The following WRNIP1 variants were observed in gnomAD, a reference collection of about 807,000 sequenced individuals.
WRNIP1 encodes WRN helicase interacting protein 1.
Under a neutral mutation model 56.1 loss-of-function variants are expected in WRNIP1, and 41 were observed. The observed-to-expected ratio is 0.73, with a 90% CI of 0.57 to 0.95. The LOEUF (loss-of-function observed/expected upper bound fraction) is 0.95. Ranked by LOEUF, WRNIP1 falls within the 40% of genes least tolerant of loss-of-function variation. WRNIP1 has a pLI of 0.00. For missense variants in WRNIP1, 1,170 were observed against 939.4 expected (o/e 1.25, Z -3.21); for synonymous variants, 547 against 398.1 (o/e 1.37, Z -4.45).
chr6:2,785,398 GC>G lies in WRNIP1; in HGVS notation c.*118del. 7.9e-7 allele frequency: 1 copy of G among 1,263,376 alleles called. No individual in the cohort carries two copies. 78.3% of individuals were successfully genotyped at this position (1,263,376 alleles called of 1,614,324 possible). A position where few individuals can be genotyped will look rare whatever the true frequency, so the allele number is the denominator to read the frequency against. Reference sequence around the variant, plus strand: ...AAGTTAGAACAGACCAACATTTTGTGCCAGAAATTTAAGAGTTCCATAGGTG... The same window carrying G: ...AAGTTAGAACAGACCAACATTTTGTGCAGAAATTTAAGAGTTCCATAGGTG... On this transcript the variant is annotated 3_prime_UTR_variant, in exon 7 of 7. Coordinates refer to ENST00000380773, the MANE Select transcript of WRNIP1 (RefSeq NM_020135.3).
At chr6:2,773,117 G>T (rs1765347634) in intron 3 of WRNIP1, 1 of 985,292 alleles carries the variant, frequency 1.0e-6, no homozygotes, top group Non-Finnish European at 1.2e-6. Context: ...TTGAGGAATT[G>T]TGAGTTGTCA....
Position 2,783,486 on chromosome 6 carries a change from G to A in WRNIP1, c.1567G>A (p.Ala523Thr), listed in dbSNP as rs776695542. Residue 523 changes from alanine (A) to threonine (T), a missense_variant, in exon 5 of 7, where the codon GCT becomes ACT. Ala to Thr is a moderately conservative substitution (Grantham distance 58, BLOSUM62 0). Transcript: ENST00000380773. ...SDQNASLYWLARMLEGGEDPL... is the reference protein window; with the variant it reads ...SDQNASLYWLTRMLEGGEDPL... ...CCAGAACGCCTCCCTCTACTGGCTG[G>A]CTCGCATGCTCGAGGGAGGAGAGGA... 6.2e-7 allele frequency: 1 copy of A among 1,613,960 alleles called. No individual in the cohort carries two copies. The highest frequency in any genetic ancestry group is 2.2e-5 in the East Asian group (1 of 44,874).
chr6:2,771,851 T>A (rs995464763), intron 3 of WRNIP1, among the ~76,000 whole-genome samples: 1 of 152,244 alleles, frequency 6.6e-6, no homozygotes, highest in Non-Finnish European at 1.5e-5. Context: ...GGGGAAATCC[T>A]AACATGTTTC....
chr6:2,766,767 C>G (rs950634106), intron 1 of WRNIP1, among the ~76,000 whole-genome samples: 2 of 152,076 alleles, frequency 1.3e-5, no homozygotes, highest in African/African-American at 4.8e-5. Context: ...CGCCCCCTCC[C>G]CAGACTTTGA....
In WRNIP1 at chr6:2,771,118, T is replaced by G. The variant is rs866148000; in HGVS notation, c.1256+757T>G. Among the ~76,000 whole-genome samples, 5 of 152,352 alleles carry G rather than the reference T, an allele frequency of 3.3e-5. No individual in the cohort carries two copies. In the Middle Eastern group the frequency reaches 0.014, roughly 415 times the overall value. On this transcript the variant is annotated intron_variant, in intron 3 of 6. Transcript: ENST00000380773. The stretch of plus-strand genomic sequence containing the variant: ...TGAAATACTGCCATGGAACATAATC[T>G]GGTGTGATGAGAGGCTATTGCCCAC...
At chr6:2,783,779 T>C (rs775601297) in intron 5 of WRNIP1, among the ~76,000 whole-genome samples, 24 of 152,122 alleles carry the variant, frequency 1.6e-4, no homozygotes, top group Non-Finnish European at 3.2e-4. Flanking sequence ...TTTGAATGTT[T>C]ATGTTCATAA....
At chr6:2,781,305 G>T (rs1022475039) in intron 4 of WRNIP1, among the ~76,000 whole-genome samples, 1 of 152,218 alleles carries the variant, frequency 6.6e-6, no homozygotes, top group Non-Finnish European at 1.5e-5. Context: ...TAGTGCCAGC[G>T]CCTTAAGAAC....
chr6:2,777,261 G>C (rs898323024), intron 3 of WRNIP1, among the ~76,000 whole-genome samples: 1 of 152,172 alleles, frequency 6.6e-6, no homozygotes, highest in African/African-American at 2.4e-5. Context: ...AATATTGGAT[G>C]CCTATCATCT....
Position 2,766,118 on chromosome 6 carries a change from G to A in WRNIP1, c.496G>A (p.Glu166Lys). 3 of 1,325,814 alleles carry A rather than the reference G, an allele frequency of 2.3e-6. No individual in the cohort carries two copies. The highest frequency in any genetic ancestry group is 1.5e-5 in the African/African-American group (1 of 65,052). The allele number at this position is 1,325,814 out of a possible 1,614,324, so 82.1% of individuals were successfully genotyped here. A position where few individuals can be genotyped will look rare whatever the true frequency, so the allele number is the denominator to read the frequency against. ...SWDEAEAQEE[E>K]EAVGDGDGDG... ...GGACGAGGCGGAGGCGCAGGAGGAG[G>A]AGGAGGCCGTGGGCGACGGCGATGG... Residue 166 changes from glutamate to lysine, a missense_variant, in exon 1 of 7, where the codon GAG becomes AAG. Glu to Lys is a moderately conservative substitution (Grantham distance 56). Coordinates refer to ENST00000380773, the MANE Select transcript of WRNIP1 (RefSeq NM_020135.3).
At chr6:2,779,977 T>C (rs976462229) in intron 4 of WRNIP1, among the ~76,000 whole-genome samples, 2 of 152,252 alleles carry the variant, frequency 1.3e-5, no homozygotes, top group African/African-American at 4.8e-5. Flanking sequence ...TTATTTTATG[T>C]AGTAGCTTTT....
intron 4 of WRNIP1, 50 bp from the exon 5 acceptor site, chr6:2,783,356 G>T: frequency 6.7e-7 from 1 of 1,485,230 alleles, no homozygotes; most frequent in South Asian, 1.3e-5. Flanking sequence ...AAGATGGCTT[G>T]GGCGCCCCTC....
chr6:2,773,634 T>C, intron 3 of WRNIP1: 1 of 985,380 alleles, frequency 1.0e-6, no homozygotes, highest in South Asian at 4.7e-5. Context: ...TGTCCATGAT[T>C]CATGATACGA....
At chr6:2,767,722 A>G (rs1466528660) in intron 1 of WRNIP1, among the ~76,000 whole-genome samples, 1 of 152,254 alleles carries the variant, frequency 6.6e-6, no homozygotes, top group Non-Finnish European at 1.5e-5. Flanking sequence ...GGCCCCAGAC[A>G]GCAAGAAGGT....
intron 1 of WRNIP1, among the ~76,000 whole-genome samples, chr6:2,768,460 G>C (rs1462745306): frequency 6.6e-6 from 1 of 152,202 alleles, no homozygotes; most frequent in Non-Finnish European, 1.5e-5. Context: ...GAGGAGAAAA[G>C]GTCAGGATTA....
At chr6:2,779,160 ACT>A (rs1765500374) in intron 3 of WRNIP1, 101 bp from the exon 4 acceptor site, 1 of 1,221,030 alleles carries the variant, frequency 8.2e-7, no homozygotes, top group Non-Finnish European at 1.2e-6. Context: ...AAGGCCTTGA[ACT>A]CTTCAGTGTC....
At chr6:2,781,046 C>G (rs985791907) in intron 4 of WRNIP1, among the ~76,000 whole-genome samples, 12 of 152,212 alleles carry the variant, frequency 7.9e-5, no homozygotes, top group African/African-American at 2.9e-4. Context: ...TACTGGTTCC[C>G]AAGACTGTCC....
In WRNIP1 at chr6:2,766,340, T is replaced by C; in HGVS notation, c.718T>C (p.Phe240Leu). Residue 240 changes from phenylalanine (F) to leucine (L), a missense_variant, in exon 1 of 7, where the codon TTC becomes CTC. By Grantham distance (22) the Phe-to-Leu change is conservative. Transcript: ENST00000380773. The part of the protein sequence containing the change: ...TMRPDTLQDY[F>L]GQSKAVGQDT... ...GCGTCCTGACACGCTGCAGGATTAC[T>C]TCGGGCAGAGCAAGGCCGTGGGCCA... 2 of 1,610,860 alleles carry C rather than the reference T, an allele frequency of 1.2e-6. No individual in the cohort carries two copies. The highest frequency in any genetic ancestry group is 1.7e-6 in the Non-Finnish European group (2 of 1,179,122).
At chr6:2,781,569 T>C (rs1010809335) in intron 4 of WRNIP1, among the ~76,000 whole-genome samples, 1 of 152,240 alleles carries the variant, frequency 6.6e-6, no homozygotes, top group African/African-American at 2.4e-5. Context: ...TATTTTTGTA[T>C]ATGCCACCTA....
chr6:2,781,178 G>C (rs1296864897), intron 4 of WRNIP1, among the ~76,000 whole-genome samples: 1 of 152,216 alleles, frequency 6.6e-6, no homozygotes, highest in East Asian at 1.9e-4. Context: ...TCTTGGAGGG[G>C]TTCAGTCCTA....
Sources: gnomAD v4.1 joint callset for allele counts (sites outside exome capture counted in the v4.1 genomes callset) on GRCh38, gnomAD v4.1.1 for gene constraint, MANE v1.5 for transcripts, NCBI Gene and HGNC (gene_info 2026-07-23, HGNC 2026-07-21) for gene names.